The following NRXN1 variants were observed in gnomAD, a reference collection of about 807,000 sequenced individuals.
NRXN1 encodes neurexin-1.
Under a neutral mutation model 150.9 loss-of-function variants are expected in NRXN1, and 39 were observed. The ratio of observed to expected loss-of-function variants is 0.26; its 90% CI spans 0.20 to 0.34. The LOEUF (loss-of-function observed/expected upper bound fraction) is 0.34, where lower values mean the gene tolerates loss of function less well. Among genes scored for constraint, NRXN1 ranks in the 10% least tolerant of loss-of-function variants. NRXN1 has a pLI of 1.00. For missense variants in NRXN1, 1,815 were observed against 1,949.9 expected, an observed-to-expected ratio of 0.93 and a Z score of 1.30; for synonymous variants, 924 against 757.0, an observed-to-expected ratio of 1.22 and a Z score of -3.62.
chr2:51,014,315 T>G (rs1205328510), intron 2 of NRXN1, among the ~76,000 whole-genome samples: 1 of 152,056 alleles, frequency 6.6e-6, no homozygotes, highest in Admixed American at 6.6e-5. Flanking sequence ...GATTGGAACA[T>G]TTTTAGCTCA....
At chr2:50,962,938 T>C (rs1041184534) in intron 2 of NRXN1, among the ~76,000 whole-genome samples, 14 of 151,602 alleles carry the variant, frequency 9.2e-5, no homozygotes, top group African/African-American at 2.9e-4. Context: ...ATCATCAGAA[T>C]TGTGCAAAAA....
chr2:50,539,196 CATA>C (rs1443365492), intron 9 of NRXN1, among the ~76,000 whole-genome samples: 3 of 152,188 alleles, frequency 2.0e-5, no homozygotes, highest in East Asian at 1.9e-4. Context: ...ATAATATGCG[CATA>C]ATAATATTAC....
At position 50,146,514 on chromosome 2, in the gene NRXN1, G is replaced by T. The variant is rs533684788; in HGVS notation, c.3547-55020C>A. Reference sequence around the variant, plus strand: ...AGAGTAATGCTAAATATTTAAATCAGCAAATCATCTGTTCCATTATAGTTT... The same window carrying T: ...AGAGTAATGCTAAATATTTAAATCATCAAATCATCTGTTCCATTATAGTTT... On this transcript the variant is annotated intron_variant, in intron 18 of 22. Transcript: ENST00000401669. Among the ~76,000 whole-genome samples, 3 of 151,694 alleles carry T rather than the reference G, an allele frequency of 2.0e-5. No homozygotes were observed. In the South Asian group the frequency reaches 6.2e-4, roughly 31 times the overall value.
intron 19 of NRXN1, among the ~76,000 whole-genome samples, chr2:50,077,903 G>A (rs559970775): frequency 1.3e-5 from 2 of 151,992 alleles, no homozygotes; most frequent in East Asian, 1.9e-4. Flanking sequence ...TCAACTTTGC[G>A]GGGAGGGGTA....
At chr2:50,896,787 C>T (rs1682028357) in intron 5 of NRXN1, among the ~76,000 whole-genome samples, 1 of 151,452 alleles carries the variant, frequency 6.6e-6, no homozygotes, top group African/African-American at 2.4e-5. Context: ...GTGGAGGTTG[C>T]AGTGAGCCAG....
chr2:50,434,170 C>A (rs900485155), intron 17 of NRXN1, among the ~76,000 whole-genome samples: 1 of 150,778 alleles, frequency 6.6e-6, no homozygotes, highest in African/African-American at 2.4e-5. Flanking sequence ...CGCCACTCTC[C>A]TTCCTCAGCC....
chr2:50,517,626 A>G (rs2092667078), intron 12 of NRXN1, among the ~76,000 whole-genome samples: 1 of 152,136 alleles, frequency 6.6e-6, no homozygotes, highest in South Asian at 2.1e-4. Context: ...AACTATTTGG[A>G]CAGCTTTTTC....
At chr2:50,414,648 C>A (rs1051643807) in intron 17 of NRXN1, among the ~76,000 whole-genome samples, 5 of 151,772 alleles carry the variant, frequency 3.3e-5, no homozygotes, top group Non-Finnish European at 5.9e-5. Context: ...ATAATCACTC[C>A]TAAAGTGTAG....
intron 18 of NRXN1, chr2:50,174,741 G>A (rs1398014467): frequency 6.6e-6 from 1 of 152,016 alleles, no homozygotes; most frequent in African/African-American, 2.4e-5. Context: ...ATTACTATAT[G>A]TCAAGCTCTT....
intron 5 of NRXN1, among the ~76,000 whole-genome samples, chr2:50,647,953 C>A (rs989698183): frequency 3.3e-5 from 5 of 151,662 alleles, no homozygotes; most frequent in Non-Finnish European, 7.4e-5. Context: ...TACACACATA[C>A]AAATAAAGGA....
At chr2:50,221,056 G>C (rs1049848010) in intron 18 of NRXN1, among the ~76,000 whole-genome samples, 3 of 151,932 alleles carry the variant, frequency 2.0e-5, no homozygotes, top group Non-Finnish European at 4.4e-5. Context: ...TGTTTGTTTT[G>C]TATTGGATAC....
At chr2:50,102,499 C>G (rs983580180) in intron 18 of NRXN1, among the ~76,000 whole-genome samples, 2 of 152,042 alleles carry the variant, frequency 1.3e-5, no homozygotes, top group Non-Finnish European at 2.9e-5. Context: ...TTACTATACT[C>G]CTGGCACTCT....
intron 5 of NRXN1, among the ~76,000 whole-genome samples, chr2:50,809,151 A>G (rs1311671707): frequency 2.0e-5 from 3 of 152,104 alleles, no homozygotes; most frequent in African/African-American, 4.8e-5. Context: ...TTTACAGTTT[A>G]TCAATAATCA....
At chr2:50,413,582 G>C (rs1215479613) in intron 17 of NRXN1, among the ~76,000 whole-genome samples, 4 of 152,108 alleles carry the variant, frequency 2.6e-5, no homozygotes, top group Non-Finnish European at 5.9e-5. Flanking sequence ...CACAGTTGGT[G>C]GGAATGTAAA....
chr2:50,900,012 A>G (rs1331858216), intron 5 of NRXN1, among the ~76,000 whole-genome samples: 2 of 152,224 alleles, frequency 1.3e-5, no homozygotes, highest in African/African-American at 4.8e-5. Context: ...AAATATACCA[A>G]AAGGGATTTT....
chr2:50,399,108 T>C lies in NRXN1; in HGVS notation c.3364+66334A>G, dbSNP rs561671139. Among the ~76,000 whole-genome samples the C allele has an allele frequency of 9.8e-5, 15 of 152,294 alleles. No individual in the cohort carries two copies. The East Asian group carries it at 2.9e-3, about 29-fold the overall frequency. On this transcript the variant is annotated intron_variant, in intron 17 of 22. Coordinates refer to ENST00000401669, the MANE Select transcript of NRXN1 (RefSeq NM_001330078.2). ...TGATTATTCTACTAACCCTCTGTTT[T>C]TATGTTTTTCACTTAGATTTTAAAG...
intron 10 of NRXN1, among the ~76,000 whole-genome samples, chr2:50,534,795 T>C (rs1158606397): frequency 6.6e-6 from 1 of 152,190 alleles, no homozygotes; most frequent in African/African-American, 2.4e-5. Flanking sequence ...ATTTTTGAAA[T>C]AATCATATTC....
At chr2:50,681,279 G>A (rs1035537029) in intron 5 of NRXN1, among the ~76,000 whole-genome samples, 1 of 152,188 alleles carries the variant, frequency 6.6e-6, no homozygotes, top group Non-Finnish European at 1.5e-5. Flanking sequence ...CAATGTTTAA[G>A]AAGCACAGAT....
chr2:50,495,118 C>G (rs1360591780), intron 15 of NRXN1, among the ~76,000 whole-genome samples: 1 of 151,814 alleles, frequency 6.6e-6, no homozygotes, highest in Non-Finnish European at 1.5e-5. Flanking sequence ...GAATAACAGG[C>G]TAATAATACT....
Sources: allele counts gnomAD v4.1 joint callset (sites outside exome capture counted in the v4.1 genomes callset), GRCh38; gene constraint gnomAD v4.1.1; transcripts MANE v1.5; gene names NCBI Gene and HGNC (gene_info 2026-07-23, HGNC 2026-07-21).